SMC6: variants seen among roughly 807,000 people sequenced by gnomAD.
SMC6 encodes structural maintenance of chromosomes 6, also known as structural maintenance of chromosomes protein 6.
A neutral mutation model predicts 142.2 loss-of-function variants in SMC6; 79 were observed. The ratio of observed to expected loss-of-function variants is 0.56; its 90% CI spans 0.46 to 0.67. The LOEUF (loss-of-function observed/expected upper bound fraction) is 0.67. Among genes scored for constraint, SMC6 ranks in the 30% least tolerant of loss-of-function variants. The pLI is 0.00. For synonymous variants in SMC6, 411 were observed against 412.4 expected, an observed-to-expected ratio of 1.00 and a Z score of 0.04; for missense variants, 1,072 against 1,284.0, an observed-to-expected ratio of 0.83 and a Z score of 2.52.
At chr2:17,745,781 C>T in intron 3 of SMC6, 46 bp downstream of exon 3, 4 of 1,544,070 alleles carry the variant, frequency 2.6e-6, no homozygotes, top group Non-Finnish European at 3.5e-6. Flanking sequence ...ATGAATGTTA[C>T]AAGAAAAACA....
At chr2:17,688,202 T>C (rs921881527) in intron 23 of SMC6, among the ~76,000 whole-genome samples, 1 of 151,988 alleles carries the variant, frequency 6.6e-6, no homozygotes, top group Non-Finnish European at 1.5e-5. Context: ...TTAGGTATCA[T>C]TCCTTAAAAA....
intron 3 of SMC6, among the ~76,000 whole-genome samples, chr2:17,744,189 T>C (rs1456808619): frequency 6.6e-6 from 1 of 152,162 alleles, no homozygotes; most frequent in Non-Finnish European, 1.5e-5. Flanking sequence ...TTCTCACCAG[T>C]AATGAATGAG....
chr2:17,682,973 T>C (rs780059966), intron 24 of SMC6, among the ~76,000 whole-genome samples: 2 of 152,040 alleles, frequency 1.3e-5, no homozygotes, highest in East Asian at 1.9e-4. Flanking sequence ...GGAATTTGCC[T>C]GGAGAAAAAC....
intron 18 of SMC6, among the ~76,000 whole-genome samples, chr2:17,703,644 T>C (rs1372876230): frequency 6.6e-6 from 1 of 152,152 alleles, no homozygotes; most frequent in Non-Finnish European, 1.5e-5. Context: ...GCTTATTCAA[T>C]GTGAAGACAA....
Position 17,717,121 on chromosome 2 carries a change from T to C in SMC6, c.1148A>G (p.Gln383Arg). Residue 383 changes from glutamine (Q) to arginine (R), a missense_variant, in exon 13 of 28, where the codon CAG (glutamine) becomes CGG (arginine). Coordinates refer to ENST00000448223, the MANE Select transcript of SMC6 (RefSeq NM_001142286.2). ...EYKALKKDDEQLCKRIEELKK... is the reference protein window; with the variant it reads ...EYKALKKDDERLCKRIEELKK... Reference sequence around the variant, plus strand: ...CAGCTCTTCAATTCGTTTACAAAGCTGCTCATCATCTTTCTTTAATGCTTT... The same window carrying C: ...CAGCTCTTCAATTCGTTTACAAAGCCGCTCATCATCTTTCTTTAATGCTTT... 6.2e-7 allele frequency: 1 copy of C among 1,612,638 alleles called. No individual in the cohort carries two copies. Among genetic ancestry groups the C allele is most frequent in the Non-Finnish European group, 8.5e-7 (1 of 1,179,690 alleles).
intron 26 of SMC6, among the ~76,000 whole-genome samples, chr2:17,669,500 G>A (rs1031374115): frequency 6.6e-5 from 10 of 152,126 alleles, no homozygotes; most frequent in Non-Finnish European, 8.8e-5. Context: ...GATCTCAAAC[G>A]TTTAAGGGCA....
intron 24 of SMC6, chr2:17,681,093 T>A (rs1458797143): frequency 6.6e-6 from 1 of 152,260 alleles, no homozygotes; most frequent in Non-Finnish European, 1.5e-5. Context: ...CGCTTGCTGT[T>A]TCACCTTGCA....
intron 2 of SMC6, among the ~76,000 whole-genome samples, chr2:17,751,820 GTTAC>G (rs970265391): frequency 8.5e-5 from 13 of 152,304 alleles, no homozygotes; most frequent in East Asian, 3.9e-4. Flanking sequence ...AAAATTTTGA[GTTAC>G]TTACTAATTC....
chr2:17,666,460 G>T lies in SMC6; in HGVS notation c.3121C>A (p.Arg1041Ser), dbSNP rs368022854. The change falls in exon 27 of 28, where the codon CGT becomes AGT. Residue 1041 changes from arginine to serine, a missense_variant. Physicochemically the swap from Arg to Ser is moderately radical, Grantham distance 110. Around this residue, in one of 3 missense-constraint regions of SMC6, gnomAD observed 76 missense variants for 112.3 expected, o/e 0.68. Coordinates refer to ENST00000448223, the MANE Select transcript of SMC6 (RefSeq NM_001142286.2). ...GTGAGCAAGATAAACTGTCTAAAAC[G>T]CTGGGAATCTGCCATCTTCAGTATC... ...DLILKMADSQ[R>S]FRQFILLTPQ... The T allele has an allele frequency of 6.2e-7, 1 of 1,613,806 alleles. No individual in the cohort carries two copies. The highest frequency in any genetic ancestry group is 8.5e-7 in the Non-Finnish European group (1 of 1,179,896).
chr2:17,733,674 T>C (rs1239095287), intron 5 of SMC6, among the ~76,000 whole-genome samples: 1 of 152,232 alleles, frequency 6.6e-6, no homozygotes, highest in African/African-American at 2.4e-5. Context: ...TACAAAGTTA[T>C]GGAGCCTCTA....
chr2:17,734,211 G>A (rs942672119), intron 5 of SMC6, among the ~76,000 whole-genome samples: 1 of 152,130 alleles, frequency 6.6e-6, no homozygotes, highest in African/African-American at 2.4e-5. Flanking sequence ...AGTTCTTACA[G>A]GGTCTCAGTC....
At chr2:17,678,249 A>G (rs1667087265) in intron 25 of SMC6, among the ~76,000 whole-genome samples, 1 of 152,240 alleles carries the variant, frequency 6.6e-6, no homozygotes, top group Admixed American at 6.5e-5. Context: ...AATGCTGTGT[A>G]AATTTTAAAA....
chr2:17,686,621 G>T (rs2124870626), intron 23 of SMC6, among the ~76,000 whole-genome samples: 1 of 152,284 alleles, frequency 6.6e-6, no homozygotes, highest in Non-Finnish European at 1.5e-5. Context: ...ACACAATGCA[G>T]TTTATTTATT....
At chr2:17,736,490 C>A (rs954744044) in intron 5 of SMC6, among the ~76,000 whole-genome samples, 2 of 152,066 alleles carry the variant, frequency 1.3e-5, no homozygotes, top group Non-Finnish European at 2.9e-5. Context: ...AAAATAATTT[C>A]TTCTTAAAGA....
chr2:17,700,005 T>G (rs1306731717), intron 21 of SMC6, among the ~76,000 whole-genome samples: 1 of 152,096 alleles, frequency 6.6e-6, no homozygotes, highest in Admixed American at 6.6e-5. Flanking sequence ...AATTTGGTGA[T>G]TTATTCTCCT....
chr2:17,726,505 C>T, intron 7 of SMC6, 36 bp from the exon 8 acceptor site: 2 of 1,551,298 alleles, frequency 1.3e-6, no homozygotes, highest in Non-Finnish European at 1.8e-6. Flanking sequence ...GAATATTTTA[C>T]TTTAATGCTT....
At chr2:17,747,632 C>T (rs1001985383) in intron 2 of SMC6, among the ~76,000 whole-genome samples, 4 of 151,750 alleles carry the variant, frequency 2.6e-5, no homozygotes, top group Non-Finnish European at 4.4e-5. Context: ...CAGCCTCCCA[C>T]GTAGCTGGGA....
At chr2:17,673,587 G>A (rs905807369) in intron 25 of SMC6, among the ~76,000 whole-genome samples, 7 of 138,296 alleles carry the variant, frequency 5.1e-5, no homozygotes, top group African/African-American at 1.9e-4. Flanking sequence ...TTTTTTTTTT[G>A]AGACAGAGTT....
rs1483925570 is a variant in SMC6, at chr2:17,731,784, G to A, written c.438C>T (p.Ile146=). The change falls in exon 6 of 28, where the codon ATC becomes ATT. Residue 146 remains isoleucine (I), a synonymous_variant. Coordinates refer to ENST00000448223, the MANE Select transcript of SMC6 (RefSeq NM_001142286.2). Reference sequence around the variant, plus strand: ...TATAAGATCGACTTCCATCTATGCTGATGTGTTGCTGTATAAGTATAGAGT... The same window carrying A: ...TATAAGATCGACTTCCATCTATGCTAATGTGTTGCTGTATAAGTATAGAGT... The part of the protein sequence containing the change: ...YGNSILIQQH[I]SIDGSRSYKL... 8 of 1,613,722 alleles carry A rather than the reference G, an allele frequency of 5.0e-6. No homozygotes were observed. The highest frequency in any genetic ancestry group is 6.8e-6 in the Non-Finnish European group (8 of 1,179,812).
Sources: allele counts gnomAD v4.1 joint callset (sites outside exome capture counted in the v4.1 genomes callset), GRCh38; gene constraint gnomAD v4.1.1; regional missense constraint gnomAD v4.1.1; transcripts MANE v1.5; gene names NCBI Gene and HGNC (gene_info 2026-07-23, HGNC 2026-07-21).